MCM9: variants seen among roughly 807,000 people sequenced by gnomAD.
MCM9 encodes DNA helicase MCM9.
Under a neutral mutation model 72.8 loss-of-function variants are expected in MCM9, and 55 were observed. That is an observed-to-expected ratio of 0.76 (90% CI 0.61 to 0.95). The LOEUF (loss-of-function observed/expected upper bound fraction) is 0.95. Among genes scored for constraint, MCM9 ranks in the 40% least tolerant of loss-of-function variants. The pLI, the probability that MCM9 is intolerant of heterozygous loss-of-function variation, is 0.00. For synonymous variants in MCM9, 480 were observed against 503.4 expected, an observed-to-expected ratio of 0.95 and a Z score of 0.62; for missense variants, 1,279 against 1,377.0, an observed-to-expected ratio of 0.93 and a Z score of 1.13.
In MCM9 at chr6:118,935,157, G is replaced by A. The variant is rs2114497712; in HGVS notation, c.-416C>T. 1 of 152,400 alleles carries A rather than the reference G, an allele frequency of 6.6e-6. No homozygotes were observed. Among genetic ancestry groups the A allele is most frequent in the South Asian group, 2.1e-4 (1 of 4,836 alleles). 9.4% of individuals were successfully genotyped at this position (152,400 alleles called of 1,614,324 possible). On this transcript the variant is annotated 5_prime_UTR_variant, in exon 1 of 14. Transcript: ENST00000619706. ...CTTCCCTGCCCCGGCGGCTCTTCCGGATGGAGACGAGGCAGCGGGGCGGGG... is the reference window on the plus strand; with the variant it reads ...CTTCCCTGCCCCGGCGGCTCTTCCGAATGGAGACGAGGCAGCGGGGCGGGG...
At chr6:118,853,238 C>T (rs759140377) in intron 9 of MCM9, among the ~76,000 whole-genome samples, 7 of 152,186 alleles carry the variant, frequency 4.6e-5, no homozygotes, top group Non-Finnish European at 1.0e-4. Flanking sequence ...TTGACATTAT[C>T]TGTGGGTCTA....
intron 8 of MCM9, among the ~76,000 whole-genome samples, chr6:118,862,561 G>A (rs1776969792): frequency 1.3e-5 from 2 of 152,178 alleles, no homozygotes; most frequent in South Asian, 2.1e-4. Context: ...GCACAACCTA[G>A]ATCCCTCACA....
chr6:118,911,380 C>G, intron 8 of MCM9: 1 of 1,156,484 alleles, frequency 8.6e-7, no homozygotes, highest in Non-Finnish European at 1.1e-6. Flanking sequence ...ATGATACGGA[C>G]TTTTTCCTGC....
At chr6:118,926,737 A>T (rs972446512) in intron 3 of MCM9, among the ~76,000 whole-genome samples, 1 of 152,224 alleles carries the variant, frequency 6.6e-6, no homozygotes, top group African/African-American at 2.4e-5. Context: ...TGCAACTACA[A>T]ACATTTGTAT....
chr6:118,856,275 A>T, intron 9 of MCM9, 96 bp downstream of exon 9: 1 of 1,255,024 alleles, frequency 8.0e-7, no homozygotes. Flanking sequence ...CCCAAAGAGG[A>T]CCAAACATAC....
intron 8 of MCM9, among the ~76,000 whole-genome samples, chr6:118,891,545 G>T (rs1445481991): frequency 6.6e-6 from 1 of 152,038 alleles, no homozygotes; most frequent in Non-Finnish European, 1.5e-5. Context: ...CCTTTTTGCT[G>T]TGTTTCCTCT....
intron 9 of MCM9, among the ~76,000 whole-genome samples, chr6:118,837,815 T>C (rs1775069665): frequency 6.6e-6 from 1 of 152,220 alleles, no homozygotes; most frequent in Non-Finnish European, 1.5e-5. Context: ...CTTTATCCAA[T>C]TTGCCAGTCT....
chr6:118,917,779 G>GT lies in MCM9; in HGVS notation c.704-19dup. The stretch of plus-strand genomic sequence containing the variant: ...GTCATCACCTAGGAAAAAGCATCAA[G>GT]TGAGTCCAGCAGTAGCATCCTGCAT... On this transcript the variant is annotated intron_variant, in intron 5 of 13. Transcript: ENST00000619706. 3 of 1,610,608 alleles carry GT rather than the reference G, an allele frequency of 1.9e-6. No homozygotes were observed. The highest frequency in any genetic ancestry group is 2.5e-6 in the Non-Finnish European group (3 of 1,176,800).
chr6:118,817,686 T>C (rs996597653), intron 13 of MCM9, among the ~76,000 whole-genome samples: 1 of 152,254 alleles, frequency 6.6e-6, no homozygotes, highest in Non-Finnish European at 1.5e-5. Flanking sequence ...ATGGTATTTC[T>C]GGTTCTAGAT....
intron 8 of MCM9, among the ~76,000 whole-genome samples, chr6:118,884,086 A>T (rs1418590911): frequency 6.6e-6 from 1 of 152,238 alleles, no homozygotes; most frequent in Non-Finnish European, 1.5e-5. Flanking sequence ...ATATTGGATT[A>T]AGGAAATGAC....
At chr6:118,848,342 C>T (rs1776008812) in intron 9 of MCM9, among the ~76,000 whole-genome samples, 1 of 151,764 alleles carries the variant, frequency 6.6e-6, no homozygotes, top group Non-Finnish European at 1.5e-5. Context: ...AGAAATGAGG[C>T]TGTAGGCATT....
intron 13 of MCM9, among the ~76,000 whole-genome samples, chr6:118,820,895 T>C (rs981320579): frequency 1.3e-5 from 2 of 152,238 alleles, no homozygotes; most frequent in African/African-American, 4.8e-5. Context: ...TTTGTCTTTT[T>C]TGATCTTTGT....
intron 6 of MCM9, among the ~76,000 whole-genome samples, chr6:118,916,202 AAAAAAAAG>A (rs1780932982): frequency 6.6e-6 from 1 of 151,696 alleles, no homozygotes; most frequent in Non-Finnish European, 1.5e-5. Flanking sequence ...ACTTTAAAAA[AAAAAAAAG>A]AAACCATTTT....
chr6:118,894,893 C>T (rs74184761), intron 8 of MCM9, among the ~76,000 whole-genome samples: 2 of 152,024 alleles, frequency 1.3e-5, no homozygotes, highest in African/African-American at 4.8e-5. Context: ...GGCCCGAGCA[C>T]GGAGGCTGGG....
intron 5 of MCM9, chr6:118,918,838 A>G (rs191019960): frequency 4.6e-5 from 7 of 152,382 alleles, no homozygotes; most frequent in Admixed American, 3.3e-4. Context: ...TCAATGAGTA[A>G]TCTGCATAGC....
At chr6:118,862,269 T>C (rs544738086) in intron 8 of MCM9, among the ~76,000 whole-genome samples, 2 of 152,220 alleles carry the variant, frequency 1.3e-5, no homozygotes, top group Non-Finnish European at 2.9e-5. Flanking sequence ...GGGAGCCAAC[T>C]TGGTAGCAGG....
chr6:118,934,334 T>C (rs1051787479), intron 1 of MCM9: 1 of 152,262 alleles, frequency 6.6e-6, no homozygotes, highest in Non-Finnish European at 1.5e-5. Flanking sequence ...AACTTTCAAG[T>C]TCTCTTTCCT....
chr6:118,852,576 T>C (rs2114668476), intron 9 of MCM9, among the ~76,000 whole-genome samples: 1 of 152,318 alleles, frequency 6.6e-6, no homozygotes, highest in Admixed American at 6.5e-5. Flanking sequence ...ACCCCAAGCT[T>C]CAGCTGTGAA....
intron 8 of MCM9, among the ~76,000 whole-genome samples, chr6:118,902,775 G>A (rs1281801939): frequency 1.3e-5 from 2 of 152,124 alleles, no homozygotes; most frequent in Non-Finnish European, 2.9e-5. Flanking sequence ...TCAGCCTAAA[G>A]GTTTTACAGA....
Sources: allele counts gnomAD v4.1 joint callset (sites outside exome capture counted in the v4.1 genomes callset), GRCh38; gene constraint gnomAD v4.1.1; transcripts MANE v1.5; gene names NCBI Gene and HGNC (gene_info 2026-07-23, HGNC 2026-07-21).